STRBP: variants seen among roughly 807,000 people sequenced by gnomAD.
STRBP encodes the protein spermatid perinuclear RNA-binding protein.
STRBP carries 13 observed loss-of-function variants against 80.1 expected under a neutral mutation model. The observed-to-expected ratio is 0.16, with a 90% CI of 0.11 to 0.26. The LOEUF is 0.26. STRBP is among the 10% of genes least tolerant of loss of function. The pLI, the probability that STRBP is intolerant of heterozygous loss-of-function variation, is 1.00. For missense variants in STRBP, 485 were observed against 815.2 expected (o/e 0.59, Z 4.93); for synonymous variants, 284 against 291.2 (o/e 0.98, Z 0.25).
In STRBP at chr9:123,156,693, A is replaced by C. The variant is rs868546324; in HGVS notation, c.1045+1319T>G. On this transcript the variant is annotated intron_variant, in intron 11 of 18. Transcript: ENST00000348403. ...AGAAAAAGGCCAAAAAAAAAAAAAAACCCCTTAATATTATTATTACTATTC... is the reference window on the plus strand; with the variant it reads ...AGAAAAAGGCCAAAAAAAAAAAAAACCCCCTTAATATTATTATTACTATTC... 3.6e-3 allele frequency among the ~76,000 whole-genome samples: 550 copies of C among 150,914 alleles called. 2 individuals are homozygous for C. Among genetic ancestry groups the C allele is most frequent in the African/African-American group, 0.012 (505 of 40,848 alleles).
chr9:123,201,639 T>A (rs1354422095), intron 2 of STRBP, among the ~76,000 whole-genome samples: 2 of 152,218 alleles, frequency 1.3e-5, no homozygotes, highest in African/African-American at 4.8e-5. Context: ...TTCGATTTTT[T>A]AAAATTTATT....
In STRBP at chr9:123,122,452, AAAAAAG is replaced by A. The variant is rs1450491804; in HGVS notation, c.*3139_*3144del. ...ATTCACCCAAAATTAAAAAAAAAAA[AAAAAAG>A]AAAAGGCCAATACCAGCAAAATCTC... On this transcript the variant is annotated 3_prime_UTR_variant, in exon 19 of 19. Transcript: ENST00000348403. 1.2e-5 allele frequency: 15 copies of A among 1,222,848 alleles called. No homozygotes were observed. Among genetic ancestry groups the A allele is most frequent in the Admixed American group, 3.5e-5 (1 of 28,550 alleles). The allele number at this position is 1,222,848 out of a possible 1,614,324, so 75.7% of individuals were successfully genotyped here.
chr9:123,210,261 A>G (rs1157810160), intron 2 of STRBP, among the ~76,000 whole-genome samples: 1 of 152,194 alleles, frequency 6.6e-6, no homozygotes, highest in Non-Finnish European at 1.5e-5. Context: ...GTATAACCAT[A>G]AAATAAATCT....
rs2037663694 is a variant in STRBP at position 123,164,403 on chromosome 9, G to A, written c.536-3335C>T. Among the ~76,000 whole-genome samples the A allele has an allele frequency of 2.6e-5, 4 of 152,212 alleles. No individual in the cohort carries two copies. In the East Asian group the frequency reaches 7.7e-4, roughly 29 times the overall value. ...CAGTAACCTAGCATCAGGGCATGAAGGTACATACAACATTCTAGCAACAGA... is the reference window on the plus strand; with the variant it reads ...CAGTAACCTAGCATCAGGGCATGAAAGTACATACAACATTCTAGCAACAGA... On this transcript the variant is annotated intron_variant, in intron 6 of 18. Coordinates refer to ENST00000348403, the MANE Select transcript of STRBP (RefSeq NM_018387.5).
chr9:123,171,335 A>C (rs2037999143), intron 5 of STRBP, among the ~76,000 whole-genome samples: 1 of 152,174 alleles, frequency 6.6e-6, no homozygotes, highest in African/African-American at 2.4e-5. Flanking sequence ...AGAAAAGGTA[A>C]GGTAAAACCT....
intron 1 of STRBP, among the ~76,000 whole-genome samples, chr9:123,252,465 G>GT (rs1395237010): frequency 2.2e-4 from 34 of 152,294 alleles, no homozygotes; most frequent in African/African-American, 8.2e-4. Context: ...ATTTCTGCTG[G>GT]TTTCAGAGAG....
chr9:123,163,181 G>A (rs2132404989), intron 6 of STRBP, among the ~76,000 whole-genome samples: 1 of 152,346 alleles, frequency 6.6e-6, no homozygotes, highest in South Asian at 2.1e-4. Flanking sequence ...ACAGAGGATA[G>A]GAAAAGGCAA....
In STRBP at chr9:123,228,349, T is replaced by C. The variant is rs1369561746; in HGVS notation, c.-165+8481A>G. Among the ~76,000 whole-genome samples, 3 of 152,272 alleles carry C rather than the reference T, an allele frequency of 2.0e-5. No homozygotes were observed. In the East Asian group the frequency reaches 5.8e-4, roughly 29 times the overall value. ...CCAGTTCAAGGATAGTACTTAAAGA[T>C]GTGTAAGTCTAGATAAAGATCTCCA... On this transcript the variant is annotated intron_variant, in intron 2 of 18. Transcript: ENST00000348403.
At chr9:123,198,165 G>A (rs548175546) in intron 2 of STRBP, among the ~76,000 whole-genome samples, 2 of 151,612 alleles carry the variant, frequency 1.3e-5, no homozygotes, top group African/African-American at 4.9e-5. Flanking sequence ...TTTTGAGACA[G>A]AGTCTCACTC....
At chr9:123,176,579 T>A (rs1294923102) in intron 4 of STRBP, among the ~76,000 whole-genome samples, 1 of 152,184 alleles carries the variant, frequency 6.6e-6, no homozygotes, top group East Asian at 1.9e-4. Context: ...TAGAGACTGG[T>A]AGATTTGCTG....
intron 2 of STRBP, among the ~76,000 whole-genome samples, chr9:123,208,514 T>C (rs139293358): frequency 1.4e-4 from 21 of 152,212 alleles, no homozygotes; most frequent in African/African-American, 4.6e-4. Flanking sequence ...AGGGGCAAAA[T>C]AGTAAATATT....
chr9:123,266,746 T>C (rs866530110), intron 1 of STRBP, among the ~76,000 whole-genome samples: 1 of 152,008 alleles, frequency 6.6e-6, no homozygotes, highest in African/African-American at 2.4e-5. Context: ...CACCTATGCC[T>C]TTCTAGTTAC....
intron 2 of STRBP, among the ~76,000 whole-genome samples, chr9:123,218,608 A>T (rs2039976477): frequency 6.6e-6 from 1 of 151,640 alleles, no homozygotes; most frequent in Non-Finnish European, 1.5e-5. Context: ...TGACCTCATG[A>T]TCCACCCGCC....
At chr9:123,214,571 A>T (rs1404438677) in intron 2 of STRBP, among the ~76,000 whole-genome samples, 2 of 152,192 alleles carry the variant, frequency 1.3e-5, no homozygotes, top group Non-Finnish European at 2.9e-5. Flanking sequence ...GGGACTCCTC[A>T]TGACTCATTA....
chr9:123,163,595 C>A (rs2037618696), intron 6 of STRBP, among the ~76,000 whole-genome samples: 1 of 152,144 alleles, frequency 6.6e-6, no homozygotes, highest in African/African-American at 2.4e-5. Flanking sequence ...TATAATAATT[C>A]ATCTCATTTT....
At chr9:123,245,821 G>C (rs1293233596) in intron 1 of STRBP, among the ~76,000 whole-genome samples, 1 of 152,118 alleles carries the variant, frequency 6.6e-6, no homozygotes, top group Non-Finnish European at 1.5e-5. Context: ...AGTTGTTAAG[G>C]ATCTGGCTGT....
At chr9:123,239,891 C>A (rs1444596643) in intron 1 of STRBP, among the ~76,000 whole-genome samples, 1 of 152,180 alleles carries the variant, frequency 6.6e-6, no homozygotes, top group Non-Finnish European at 1.5e-5. Flanking sequence ...ATCTTCACAG[C>A]AGACCTATGA....
At chr9:123,199,286 C>A (rs116304299) in intron 2 of STRBP, among the ~76,000 whole-genome samples, 1 of 152,172 alleles carries the variant, frequency 6.6e-6, no homozygotes, top group African/African-American at 2.4e-5. Flanking sequence ...ACTGTATCCT[C>A]GTAGTACAGT....
intron 1 of STRBP, among the ~76,000 whole-genome samples, chr9:123,248,266 T>G (rs960600381): frequency 1.3e-4 from 19 of 141,114 alleles, no homozygotes; most frequent in Non-Finnish European, 2.5e-4. Flanking sequence ...ATCGTGTTTT[T>G]TTTTTTTTTT....
Sources: allele counts gnomAD v4.1 joint callset (sites outside exome capture counted in the v4.1 genomes callset), GRCh38; gene constraint gnomAD v4.1.1; transcripts MANE v1.5; gene names NCBI Gene and HGNC (gene_info 2026-07-23, HGNC 2026-07-21).